The following CEP83 variants were observed in gnomAD, a reference collection of about 807,000 sequenced individuals.
The protein encoded by CEP83 is centrosomal protein 83.
A neutral mutation model predicts 101.9 loss-of-function variants in CEP83; 70 were observed. The observed-to-expected ratio is 0.69, with a 90% confidence interval of 0.57 to 0.84. The LOEUF (loss-of-function observed/expected upper bound fraction) is 0.84, where lower values mean the gene tolerates loss of function less well. CEP83 is among the 40% of genes least tolerant of loss of function. The pLI, the probability that CEP83 is intolerant of heterozygous loss-of-function variation, is 0.00. For synonymous variants in CEP83, 264 were observed against 267.9 expected (o/e 0.99, Z 0.14); for missense variants, 715 against 787.2 (o/e 0.91, Z 1.10).
At chr12:94,297,659 G>T in the CEP83 span, among the ~76,000 whole-genome samples, 1 of 152,232 alleles carries the variant, frequency 6.6e-6, no homozygotes, top group East Asian at 1.9e-4. Context: ...ATTTAATATT[G>T]TTCCCAGTCT....
At chr12:94,306,788 T>A (rs1969070536), downstream of CEP83, 1 of 152,230 alleles carries the variant, frequency 6.6e-6, no homozygotes. Flanking sequence ...AGGTGACACC[T>A]CAACAAACTG....
At chr12:94,306,622 C>CCAT, downstream of CEP83, 1 of 152,154 alleles carries the variant, frequency 6.6e-6, no homozygotes, top group Non-Finnish European at 1.5e-5. Context: ...TCCAAATCCC[C>CCAT]CATCTAGGAA....
At chr12:94,383,052 T>C (rs959012387) in intron 6 of CEP83, among the ~76,000 whole-genome samples, 2 of 152,080 alleles carry the variant, frequency 1.3e-5, no homozygotes, top group African/African-American at 4.8e-5. Flanking sequence ...CTGGTGCACA[T>C]ACATTTAGTA....
chr12:94,366,150 T>C (rs1593448781), intron 11 of CEP83, among the ~76,000 whole-genome samples: 1 of 151,918 alleles, frequency 6.6e-6, no homozygotes, highest in African/African-American at 2.4e-5. Context: ...TTTTTTTTGG[T>C]GTATTATAGT....
At chr12:94,329,252 T>C (rs184123893) in intron 14 of CEP83, among the ~76,000 whole-genome samples, 2 of 152,140 alleles carry the variant, frequency 1.3e-5, no homozygotes, top group Non-Finnish European at 2.9e-5. Flanking sequence ...TGTAGTGTTT[T>C]GGGGTTTTTT....
intron 11 of CEP83, among the ~76,000 whole-genome samples, chr12:94,342,144 A>C (rs1180828350): frequency 1.3e-5 from 2 of 152,326 alleles, no homozygotes; most frequent in East Asian, 3.9e-4. Flanking sequence ...TAAAGTTATA[A>C]AACCTAAGTA....
rs141680710 is a variant in CEP83 at position 94,336,828 on chromosome 12, TC to T, written c.1344-1165del. ...TATGAATGTTATCAACTGGGTGCCT[TC>T]TTTTTTTTTTTTTAAATAAGAGATG... On this transcript the variant is annotated intron_variant, in intron 11 of 16. Transcript: ENST00000397809. Among the ~76,000 whole-genome samples, 119 of 152,146 alleles carry T rather than the reference TC, an allele frequency of 7.8e-4. 1 individual carries two copies. The East Asian group carries it at 0.022, about 28-fold the overall frequency.
chr12:94,306,401 A>G (rs1969022391), downstream of CEP83: 1 of 152,160 alleles, frequency 6.6e-6, no homozygotes, highest in Admixed American at 6.6e-5. Flanking sequence ...AATTTAAAAT[A>G]CCCATTTTAT....
intron 14 of CEP83, among the ~76,000 whole-genome samples, chr12:94,331,303 A>AAAAAAAAAAAAAAAAAAAAAAAAG (rs2059199243): frequency 8.0e-6 from 1 of 124,406 alleles, no homozygotes; most frequent in African/African-American, 3.4e-5. Context: ...AAAAAAAAAA[A>AAAAAAAAAAAAAAAAAAAAAAAAG]AAAAAAAAAA....
At chr12:94,317,307 G>C (rs1038342413) in intron 14 of CEP83, among the ~76,000 whole-genome samples, 5 of 152,088 alleles carry the variant, frequency 3.3e-5, no homozygotes, top group Non-Finnish European at 5.9e-5. Context: ...ATGCTAGATA[G>C]ACCTTTGTCA....
rs752161495 is a variant in CEP83, at chr12:94,308,573, A to G, written c.*240T>C. 31 of 288,004 alleles carry G rather than the reference A, an allele frequency of 1.1e-4. No individual in the cohort carries two copies. Among genetic ancestry groups the G allele is most frequent in the Non-Finnish European group, 1.7e-4 (27 of 155,036 alleles). 17.8% of individuals were successfully genotyped at this position (288,004 alleles called of 1,614,324 possible). A position where few individuals can be genotyped will look rare whatever the true frequency, so the allele number is the denominator to read the frequency against. ...TCTAACTAGTTCCTTTTTGTTTTAC[A>G]TTCTCAAACCATTGTCAAATATTCT... On this transcript the variant is annotated 3_prime_UTR_variant, in exon 17 of 17. Transcript: ENST00000397809.
Position 94,348,974 on chromosome 12 carries a change from T to A in CEP83, c.1344-13310A>T, listed in dbSNP as rs552417738. On this transcript the variant is annotated intron_variant, in intron 11 of 16. Transcript: ENST00000397809. ...GAAAATGCTTCCACAACGAGCAGGA[T>A]GCAGAAAATGCTAAGTGTTTGTCTA... Among the ~76,000 whole-genome samples, 12 of 101,036 alleles carry A rather than the reference T, an allele frequency of 1.2e-4. No individual in the cohort carries two copies. The South Asian group carries it at 3.2e-3, about 27-fold the overall frequency. The allele number at this position is 101,036 out of a possible 152,430, so 66.3% of individuals were successfully genotyped here. A position where few individuals can be genotyped will look rare whatever the true frequency, so the allele number is the denominator to read the frequency against.
intron 6 of CEP83, 83 bp from the exon 7 acceptor site, chr12:94,379,125 A>T (rs2137177232): frequency 1.7e-6 from 2 of 1,179,944 alleles, no homozygotes; most frequent in Non-Finnish European, 2.4e-6. Flanking sequence ...CAGTAAAATT[A>T]AAAAATGCAC....
chr12:94,278,062 C>T, the CEP83 span: 1 of 456,084 alleles, frequency 2.2e-6, no homozygotes, highest in South Asian at 1.5e-5. Context: ...GGAGCCCCCC[C>T]TCCCTCTGTC....
intron 11 of CEP83, among the ~76,000 whole-genome samples, chr12:94,345,809 C>T (rs932135415): frequency 2.6e-5 from 4 of 152,162 alleles, no homozygotes; most frequent in Admixed American, 1.3e-4. Flanking sequence ...TTAGATCATG[C>T]CCTTTTTGTC....
chr12:94,384,148 CT>C (rs1444720914), intron 6 of CEP83, among the ~76,000 whole-genome samples: 1 of 152,034 alleles, frequency 6.6e-6, no homozygotes, highest in Non-Finnish European at 1.5e-5. Flanking sequence ...CAAAAAGTTC[CT>C]TCATTTTCCT....
the CEP83 span, among the ~76,000 whole-genome samples, chr12:94,287,510 C>T: frequency 2.6e-5 from 4 of 152,220 alleles, no homozygotes; most frequent in Non-Finnish European, 4.4e-5. Flanking sequence ...GGAGTAGTGG[C>T]GAGTGTGCAG....
the CEP83 span, among the ~76,000 whole-genome samples, chr12:94,281,279 C>CAA: frequency 6.6e-6 from 1 of 150,638 alleles, no homozygotes; most frequent in East Asian, 1.9e-4. Context: ...ACCCTGTCTC[C>CAA]AAAAAAAACA....
At chr12:94,358,555 CA>C (rs1212578412) in intron 11 of CEP83, among the ~76,000 whole-genome samples, 1 of 152,116 alleles carries the variant, frequency 6.6e-6, no homozygotes, top group Non-Finnish European at 1.5e-5. Flanking sequence ...AGTTGCTGAA[CA>C]ATTAGAAAAT....
Sources: allele counts gnomAD v4.1 joint callset (sites outside exome capture counted in the v4.1 genomes callset), GRCh38; gene constraint gnomAD v4.1.1; transcripts MANE v1.5; gene names NCBI Gene and HGNC (gene_info 2026-07-23, HGNC 2026-07-21).